Variants in KMT2E observed in about 807,000 individuals in gnomAD.
The protein encoded by KMT2E is histone reader KMT2E.
Under a neutral mutation model 184.6 loss-of-function variants are expected in KMT2E, and 30 were observed. That is an observed-to-expected ratio of 0.16 (90% CI 0.12 to 0.22). The LOEUF (loss-of-function observed/expected upper bound fraction) is 0.22, where lower values mean the gene tolerates loss of function less well. Among genes scored for constraint, KMT2E ranks in the 10% least tolerant of loss-of-function variants. The pLI, the probability that KMT2E is intolerant of heterozygous loss-of-function variation, is 1.00. For missense variants in KMT2E, 2,023 were observed against 2,237.4 expected, an observed-to-expected ratio of 0.90 and a Z score of 1.93; for synonymous variants, 815 against 776.5, an observed-to-expected ratio of 1.05 and a Z score of -0.82.
rs1424463560 is a variant in KMT2E, at chr7:105,080,781, T to A, written c.1249-907T>A. Among the ~76,000 whole-genome samples, 60 of 151,168 alleles carry A rather than the reference T, an allele frequency of 4.0e-4. 1 individual carries two copies. The highest frequency in any genetic ancestry group is 3.8e-3 in the Admixed American group (57 of 15,190). ...ATCCCAGCACTTTGGGAGGCCAAAGTGGGTGGATCACCTGAGGTCAGGAGT... is the reference window on the plus strand; with the variant it reads ...ATCCCAGCACTTTGGGAGGCCAAAGAGGGTGGATCACCTGAGGTCAGGAGT... On this transcript the variant is annotated intron_variant, in intron 12 of 26. Coordinates refer to ENST00000311117, the MANE Select transcript of KMT2E (RefSeq NM_182931.3).
In KMT2E at chr7:105,071,618, T is replaced by A. The variant is rs1176717855; in HGVS notation, c.498-2001T>A. ...TATATATATATATATATTTTTTTTT[T>A]TTTTTTTTTTTTTTTTTTAAGTAGA... On this transcript the variant is annotated intron_variant, in intron 6 of 26. Transcript: ENST00000311117. 9.4e-4 allele frequency among the ~76,000 whole-genome samples: 104 copies of A among 110,518 alleles called. 2 individuals carry two copies. Among genetic ancestry groups the A allele is most frequent in the African/African-American group, 2.9e-3 (88 of 30,644 alleles). 72.5% of individuals were successfully genotyped at this position (110,518 alleles called of 152,430 possible).
intron 13 of KMT2E, among the ~76,000 whole-genome samples, chr7:105,084,952 T>C (rs1797902360): frequency 6.6e-6 from 1 of 152,234 alleles, no homozygotes; most frequent in Admixed American, 6.5e-5. Context: ...TGATAAATTT[T>C]AACTTTTTAT....
chr7:105,043,752 A>C (rs895291380), intron 3 of KMT2E, among the ~76,000 whole-genome samples: 5 of 152,210 alleles, frequency 3.3e-5, no homozygotes, highest in African/African-American at 4.8e-5. Context: ...GAATTACAAC[A>C]CATTTGGAAA....
intron 1 of KMT2E, among the ~76,000 whole-genome samples, chr7:105,017,199 T>C (rs952132071): frequency 2.0e-5 from 3 of 152,210 alleles, no homozygotes; most frequent in Admixed American, 1.3e-4. Context: ...ATTTGATTTA[T>C]GTGGCCATAG....
chr7:105,053,968 C>T (rs1796453581), intron 3 of KMT2E, among the ~76,000 whole-genome samples: 1 of 152,004 alleles, frequency 6.6e-6, no homozygotes, highest in South Asian at 2.1e-4. Flanking sequence ...GGGTCGGGAG[C>T]TTGAGACCAG....
chr7:105,028,794 G>A (rs879821844), intron 1 of KMT2E, among the ~76,000 whole-genome samples: 7 of 151,788 alleles, frequency 4.6e-5, no homozygotes, highest in Non-Finnish European at 8.8e-5. Context: ...GTGAGCCACC[G>A]TGCACGGCCT....
chr7:105,078,728 G>T, intron 11 of KMT2E, 118 bp from the exon 12 acceptor site: 1 of 252,524 alleles, frequency 4.0e-6, no homozygotes, highest in Non-Finnish European at 7.8e-6. Flanking sequence ...GGTTGGTCTT[G>T]ATCTCCTGGA....
rs1363388045 is a variant in KMT2E, at chr7:105,109,088, T to C, written c.3615T>C (p.Asn1205=). 1.2e-6 allele frequency: 2 copies of C among 1,614,030 alleles called. No homozygotes were observed. The highest frequency in any genetic ancestry group is 1.3e-5 in the African/African-American group (1 of 74,920). The change falls in exon 23 of 27, where the codon AAT becomes AAC. Residue 1205 remains asparagine (N), a synonymous_variant. Coordinates refer to ENST00000311117, the MANE Select transcript of KMT2E (RefSeq NM_182931.3). The stretch of plus-strand genomic sequence containing the variant: ...ATGGCTGTGCCAGCAGTAATGACAA[T>C]GGGGAGCAGGTGGACCACACTGCTA... ...NGDGCASSND[N]GEQVDHTASL... is the part of the protein sequence containing the mutation.
chr7:105,076,497 C>A (rs1362835582), intron 9 of KMT2E, among the ~76,000 whole-genome samples: 2 of 152,214 alleles, frequency 1.3e-5, no homozygotes, highest in Non-Finnish European at 2.9e-5. Context: ...CACCATAGAA[C>A]AACCATATCA....
chr7:105,109,459 C>G (rs1799083826), intron 23 of KMT2E, among the ~76,000 whole-genome samples: 2 of 152,184 alleles, frequency 1.3e-5, no homozygotes, highest in Non-Finnish European at 2.9e-5. Flanking sequence ...ATATCCTCTC[C>G]AAAGAATTTT....
rs1433800461 is a variant in KMT2E, at chr7:105,038,686, C to A, written c.-115+487C>A. ...AGTTTTTGACTGTTTTTTAAACTCA[C>A]TGTGTTAAAGGTCACATCTTTTCTG... On this transcript the variant is annotated intron_variant, in intron 2 of 26. Coordinates refer to ENST00000311117, the MANE Select transcript of KMT2E (RefSeq NM_182931.3). 3.2e-4 allele frequency among the ~76,000 whole-genome samples: 48 copies of A among 152,068 alleles called. 1 individual carries two copies. Among genetic ancestry groups the A allele is most frequent in the African/African-American group, 1.1e-3 (47 of 41,410 alleles).
intron 3 of KMT2E, among the ~76,000 whole-genome samples, chr7:105,059,969 CTTG>C (rs1333197337): frequency 0.012 from 785 of 65,556 alleles, 8 homozygotes; most frequent in Middle Eastern, 0.029. Flanking sequence ...TATTGATTTT[CTTG>C]TTGTTGTTTT....
intron 6 of KMT2E, among the ~76,000 whole-genome samples, chr7:105,068,231 A>G (rs1226767505): frequency 6.6e-6 from 1 of 151,730 alleles, no homozygotes; most frequent in East Asian, 1.9e-4. Flanking sequence ...GTTTATGTCT[A>G]TAGGCTTGAT....
In KMT2E at chr7:105,114,966, T is replaced by C. The variant is rs970906932; in HGVS notation, c.*1633T>C. Among the ~76,000 whole-genome samples the C allele has an allele frequency of 5.3e-5, 8 of 152,184 alleles. No homozygotes were observed. Among genetic ancestry groups the C allele is most frequent in the Admixed American group, 6.5e-5 (1 of 15,272 alleles). On this transcript the variant is annotated 3_prime_UTR_variant, in exon 27 of 27. Transcript: ENST00000311117. The stretch of plus-strand genomic sequence containing the variant: ...GGTTTTACATCATCTATCCTGATAG[T>C]TTCAAACAGAATAAAGGTAACTAGC...
In KMT2E at chr7:105,107,856, C is replaced by T. The variant is rs762538527; in HGVS notation, c.3399C>T (p.Phe1133=). 18 of 1,613,872 alleles carry T rather than the reference C, an allele frequency of 1.1e-5. No individual in the cohort carries two copies. The highest frequency in any genetic ancestry group is 5.0e-5 in the Admixed American group (3 of 59,990). ...CCGAAGATGGGCTTGTATCTGGTTT[C>T]GGACGGACTGTTAATGACAATTTGA... ...CTSEDGLVSG[F]GRTVNDNLID... is the part of the protein sequence containing the mutation. The change falls in exon 22 of 27, where the codon TTC becomes TTT. Residue 1133 remains phenylalanine (F), a synonymous_variant. Transcript: ENST00000311117.
chr7:105,101,786 A>T (rs957316953), intron 16 of KMT2E, 100 bp from the exon 17 acceptor site: 21 of 1,118,576 alleles, frequency 1.9e-5, no homozygotes, highest in Non-Finnish European at 2.5e-5. Context: ...AGAATTCAAA[A>T]ATTCCAGAAA....
At position 105,113,443 on chromosome 7, in the gene KMT2E, A is replaced by G. The variant is rs76154216; in HGVS notation, c.*110A>G. ...TTGTACATGAACCTTTGTATAAAAA[A>G]CACCAGTGCTCTTTCGTTGTATTTT... On this transcript the variant is annotated 3_prime_UTR_variant, in exon 27 of 27. Transcript: ENST00000311117. The G allele has an allele frequency of 3.8e-3, 4,465 of 1,162,524 alleles. 134 individuals are homozygous for G. In the African/African-American group the frequency reaches 0.061, roughly 16 times the overall value. The allele number at this position is 1,162,524 out of a possible 1,614,324, so 72.0% of individuals were successfully genotyped here.
intron 9 of KMT2E, 31 bp downstream of exon 9, chr7:105,076,112 C>T (rs1797516746): frequency 2.7e-6 from 4 of 1,478,050 alleles, no homozygotes; most frequent in Non-Finnish European, 3.8e-6. Context: ...GTGTTGTTAT[C>T]AACTGTCATT....
chr7:105,087,067 TATA>T (rs1396326436), intron 13 of KMT2E, among the ~76,000 whole-genome samples: 1 of 145,830 alleles, frequency 6.9e-6, no homozygotes, highest in Non-Finnish European at 1.5e-5. Flanking sequence ...ATATATAATA[TATA>T]ATACATAATA....
Sources: gnomAD v4.1 joint callset for allele counts (sites outside exome capture counted in the v4.1 genomes callset) on GRCh38, gnomAD v4.1.1 for gene constraint, MANE v1.5 for transcripts, NCBI Gene and HGNC (gene_info 2026-07-23, HGNC 2026-07-21) for gene names.